Variants in KCNJ15 observed in about 807,000 individuals in gnomAD.
The protein encoded by KCNJ15 is potassium inwardly rectifying channel subfamily J member 15.
KCNJ15 carries 14 observed loss-of-function variants against 23.0 expected under a neutral mutation model. That is an observed-to-expected ratio of 0.61 (90% confidence interval 0.40 to 0.95). KCNJ15 has a LOEUF of 0.95. KCNJ15 is among the 40% of genes least tolerant of loss of function. The probability of loss-of-function intolerance (pLI) is 0.00; values close to 1 mark genes in which losing one functional copy is unlikely to be tolerated. For missense variants in KCNJ15, 388 were observed against 461.8 expected (o/e 0.84, Z 1.46); for synonymous variants, 185 against 183.2 (o/e 1.01, Z -0.08).
At chr21:38,261,609 C>T (rs1980905405) in intron 1 of KCNJ15, among the ~76,000 whole-genome samples, 1 of 152,150 alleles carries the variant, frequency 6.6e-6, no homozygotes, top group Non-Finnish European at 1.5e-5. Flanking sequence ...TCATTGGCAC[C>T]TTGCCATGAA....
intron 1 of KCNJ15, among the ~76,000 whole-genome samples, chr21:38,270,271 A>G (rs1292185648): frequency 1.3e-5 from 2 of 152,112 alleles, no homozygotes; most frequent in Non-Finnish European, 2.9e-5. Flanking sequence ...GGTGTATCCC[A>G]TATCTCCAAT....
At chr21:38,295,074 G>T (rs1370579786) in intron 1 of KCNJ15, among the ~76,000 whole-genome samples, 3 of 152,096 alleles carry the variant, frequency 2.0e-5, no homozygotes, top group Admixed American at 6.5e-5. Context: ...TTTCTCATTT[G>T]CCCTGAGAAT....
chr21:38,281,200 C>T (rs1983301841), intron 1 of KCNJ15, among the ~76,000 whole-genome samples: 1 of 152,164 alleles, frequency 6.6e-6, no homozygotes, highest in African/African-American at 2.4e-5. Flanking sequence ...TCTCGCAGCA[C>T]ACACAAGGAT....
At chr21:38,232,631 T>G (rs1478561752) in intron 1 of KCNJ15, among the ~76,000 whole-genome samples, 1 of 151,912 alleles carries the variant, frequency 6.6e-6, no homozygotes, top group Non-Finnish European at 1.5e-5. Flanking sequence ...TCCAATTCAT[T>G]TTAGTTTGGT....
At chr21:38,285,216 G>C (rs1983764477) in intron 1 of KCNJ15, among the ~76,000 whole-genome samples, 1 of 152,140 alleles carries the variant, frequency 6.6e-6, no homozygotes, top group Admixed American at 6.5e-5. Context: ...GTTCATCCGT[G>C]GTAAATGTGA....
chr21:38,279,657 C>T (rs916771752), intron 1 of KCNJ15, among the ~76,000 whole-genome samples: 2 of 152,114 alleles, frequency 1.3e-5, no homozygotes, highest in Non-Finnish European at 2.9e-5. Flanking sequence ...ATCACCCAGC[C>T]CTCAAGGAAG....
At chr21:38,296,266 A>C (rs1397268451) in intron 1 of KCNJ15, among the ~76,000 whole-genome samples, 1 of 141,414 alleles carries the variant, frequency 7.1e-6, no homozygotes, top group African/African-American at 2.6e-5. Flanking sequence ...GATAATTGAT[A>C]GATAATAGAT....
At position 38,302,831 on chromosome 21, in the gene KCNJ15, G is replaced by C. The variant is rs1252058469; in HGVS notation, c.*2442G>C. 1.3e-5 allele frequency: 2 copies of C among 152,020 alleles called. No individual in the cohort carries two copies. The highest frequency in any genetic ancestry group is 2.4e-5 in the African/African-American group (1 of 41,384). The allele number at this position is 152,020 out of a possible 1,614,324, so 9.4% of individuals were successfully genotyped here. ...TAGCATATCAATTTCAGCCAAATTT[G>C]GAAGACTTGATCATCTTATCTTTTG... On this transcript the variant is annotated 3_prime_UTR_variant, in exon 3 of 3. Coordinates refer to ENST00000398938, the MANE Select transcript of KCNJ15 (RefSeq NM_170736.3).
At chr21:38,241,511 G>A (rs1378896839) in intron 1 of KCNJ15, among the ~76,000 whole-genome samples, 1 of 152,192 alleles carries the variant, frequency 6.6e-6, no homozygotes, top group Non-Finnish European at 1.5e-5. Context: ...AATGAACTTG[G>A]CCTCTTAGAT....
intron 1 of KCNJ15, among the ~76,000 whole-genome samples, chr21:38,282,826 C>A (rs1983497405): frequency 6.6e-6 from 1 of 152,262 alleles, no homozygotes; most frequent in East Asian, 1.9e-4. Context: ...CTGATCATTA[C>A]AGCAGCACAG....
At chr21:38,233,529 G>T (rs1978408712) in intron 1 of KCNJ15, among the ~76,000 whole-genome samples, 1 of 151,158 alleles carries the variant, frequency 6.6e-6, no homozygotes. Context: ...ACTTTCTTTT[G>T]TATTAAATTA....
upstream of KCNJ15, among the ~76,000 whole-genome samples, chr21:38,253,261 T>A (rs1568987832): frequency 6.6e-6 from 1 of 152,198 alleles, no homozygotes; most frequent in Non-Finnish European, 1.5e-5. Context: ...TCTATTTCCA[T>A]ATAATCTACC....
At chr21:38,289,697 C>T (rs937610016) in intron 1 of KCNJ15, among the ~76,000 whole-genome samples, 3 of 152,106 alleles carry the variant, frequency 2.0e-5, no homozygotes, top group African/African-American at 7.2e-5. Flanking sequence ...TGTGCCACTC[C>T]ACTCCAGCCT....
chr21:38,264,554 C>A (rs979991790), intron 1 of KCNJ15, among the ~76,000 whole-genome samples: 1 of 152,242 alleles, frequency 6.6e-6, no homozygotes, highest in African/African-American at 2.4e-5. Context: ...TGTATTGAAT[C>A]CACAGGCACT....
chr21:38,282,098 T>G (rs1162978023), intron 1 of KCNJ15, among the ~76,000 whole-genome samples: 3 of 152,002 alleles, frequency 2.0e-5, no homozygotes, highest in Admixed American at 6.6e-5. Flanking sequence ...CCTTTGCCCA[T>G]TTTTTTTAAA....
chr21:38,299,761 A>C lies in KCNJ15; in HGVS notation c.500A>C (p.Lys167Thr). The C allele has an allele frequency of 6.2e-7, 1 of 1,614,078 alleles. No individual in the cohort carries two copies. Among genetic ancestry groups the C allele is most frequent in the Non-Finnish European group, 8.5e-7 (1 of 1,180,008 alleles). ...TTCATCACCGGAACCTTCCTGGCCA[A>C]AATCGCCAGACCCAAAAAGCGGGCT... ...EIFITGTFLA[K>T]IARPKKRAET... Residue 167 changes from lysine (K) to threonine (T), a missense_variant, in exon 3 of 3, where the codon AAA becomes ACA. Lys to Thr is a moderately conservative substitution (Grantham distance 78). Transcript: ENST00000398938. The surrounding 1 kb of genome is among the most constrained non-coding windows in gnomAD (Gnocchi z 4.5).
At chr21:38,269,330 A>T (rs1981834416) in intron 1 of KCNJ15, among the ~76,000 whole-genome samples, 1 of 152,218 alleles carries the variant, frequency 6.6e-6, no homozygotes. Flanking sequence ...TTAAACTTAT[A>T]AAAGGCGTTA....
chr21:38,289,372 T>A (rs980475247), intron 1 of KCNJ15, among the ~76,000 whole-genome samples: 2 of 152,214 alleles, frequency 1.3e-5, no homozygotes, highest in African/African-American at 4.8e-5. Context: ...TGTTGTAGGT[T>A]TGGACTAATC....
chr21:38,250,821 C>T (rs1205931320), intron 1 of KCNJ15, among the ~76,000 whole-genome samples: 3 of 152,206 alleles, frequency 2.0e-5, no homozygotes, highest in Admixed American at 6.5e-5. Flanking sequence ...TCCAGTTGAT[C>T]TTTGAAATTA....
Sources: allele counts gnomAD v4.1 joint callset (sites outside exome capture counted in the v4.1 genomes callset), GRCh38; gene constraint gnomAD v4.1.1; non-coding constraint Gnocchi (gnomAD v3.1); transcripts MANE v1.5; gene names NCBI Gene and HGNC (gene_info 2026-07-23, HGNC 2026-07-21).